Variants in USP44 observed in about 807,000 individuals in gnomAD.
USP44 encodes the protein ubiquitin specific peptidase 44.
Under a neutral mutation model 69.0 loss-of-function variants are expected in USP44, and 61 were observed. The observed-to-expected ratio is 0.88, with a 90% CI of 0.72 to 1.09. The LOEUF is 1.09. USP44 is among the 50% of genes least tolerant of loss of function. The pLI is 0.00. For synonymous variants in USP44, 297 were observed against 295.4 expected (o/e 1.01, Z -0.06); for missense variants, 753 against 849.9 (o/e 0.89, Z 1.42).
intron 4 of USP44, chr12:95,522,164 C>T (rs2140220580): frequency 1.0e-6 from 1 of 960,268 alleles, no homozygotes; most frequent in East Asian, 1.2e-4. Flanking sequence ...AGATTATAAT[C>T]CAGTTTGGGG....
rs189646269 is a variant in USP44 at position 95,532,312 on chromosome 12, C to T, written c.1428+517G>A. ...CCTCCCAAGTAGCTGAGATTACAGG[C>T]GTCTGCCACCACACTCAGCTAGCTT... On this transcript the variant is annotated intron_variant, in intron 2 of 5. Coordinates refer to ENST00000258499, the MANE Select transcript of USP44 (RefSeq NM_032147.5). 5.3e-5 allele frequency among the ~76,000 whole-genome samples: 8 copies of T among 152,084 alleles called. No individual in the cohort carries two copies. The East Asian group carries it at 1.4e-3, about 26-fold the overall frequency.
intron 1 of USP44, among the ~76,000 whole-genome samples, chr12:95,545,651 G>A (rs1165533219): frequency 6.6e-6 from 1 of 152,148 alleles, no homozygotes; most frequent in Non-Finnish European, 1.5e-5. Context: ...GTCCTCTTAA[G>A]AAATGTTTGT....
chr12:95,547,279 G>T (rs2077603375), intron 1 of USP44, among the ~76,000 whole-genome samples: 1 of 152,146 alleles, frequency 6.6e-6, no homozygotes, highest in South Asian at 2.1e-4. Flanking sequence ...ATTTGAATTT[G>T]GATAGCCCAC....
chr12:95,526,762 C>T (rs1054663056), intron 3 of USP44, among the ~76,000 whole-genome samples: 8 of 151,668 alleles, frequency 5.3e-5, no homozygotes, highest in East Asian at 3.9e-4. Context: ...AATCTATTTG[C>T]GAGATAGGGA....
At chr12:95,525,011 G>A (rs904031655) in intron 3 of USP44, among the ~76,000 whole-genome samples, 1 of 152,192 alleles carries the variant, frequency 6.6e-6, no homozygotes, top group African/African-American at 2.4e-5. Flanking sequence ...CTGTAATCAA[G>A]TACATGATTT....
chr12:95,544,117 C>A (rs1363770025), intron 1 of USP44, among the ~76,000 whole-genome samples: 1 of 134,102 alleles, frequency 7.5e-6, no homozygotes, highest in Admixed American at 7.6e-5. Context: ...TGCAGTGGCA[C>A]GATCTCGGCT....
intron 5 of USP44, among the ~76,000 whole-genome samples, chr12:95,519,023 T>C (rs1216702137): frequency 6.6e-6 from 1 of 152,130 alleles, no homozygotes; most frequent in Non-Finnish European, 1.5e-5. Context: ...GTATTAATAT[T>C]TTTTACTGTG....
chr12:95,548,278 G>A lies in USP44; in HGVS notation c.-71+2994C>T, dbSNP rs1483518954. 1 of 152,142 alleles carries A rather than the reference G, an allele frequency of 6.6e-6. No individual in the cohort carries two copies. Among genetic ancestry groups the A allele is most frequent in the South Asian group, 2.1e-4 (1 of 4,826 alleles). The allele number at this position is 152,142 out of a possible 1,614,324, so 9.4% of individuals were successfully genotyped here. On this transcript the variant is annotated intron_variant, in intron 1 of 5. Transcript: ENST00000258499. The surrounding 1 kb of genome is among the most constrained non-coding windows in gnomAD (Gnocchi z 4.1). ...AGCATCACCTCGCGGTAATCCGGGA[G>A]GGTGGAGGGATGCGGCTGGACCCGG...
chr12:95,544,273 T>C (rs2077501159), intron 1 of USP44, among the ~76,000 whole-genome samples: 1 of 151,808 alleles, frequency 6.6e-6, no homozygotes, highest in African/African-American at 2.4e-5. Flanking sequence ...GCCAGGATGG[T>C]CTCGATCTCC....
chr12:95,542,941 AGCCAGGTATGGTGGTGG>A (rs1335944242), intron 1 of USP44, among the ~76,000 whole-genome samples: 1 of 150,488 alleles, frequency 6.6e-6, no homozygotes, highest in Non-Finnish European at 1.5e-5. Context: ...ACAAAAAATT[AGCCAGGTATGGTGGTGG>A]GCGCCTGTAG....
chr12:95,540,858 CTCTT>C (rs2077363348), intron 1 of USP44, among the ~76,000 whole-genome samples: 2 of 152,288 alleles, frequency 1.3e-5, no homozygotes, highest in African/African-American at 2.4e-5. Flanking sequence ...GAGCCTTTAA[CTCTT>C]TTTTTGATGA....
At position 95,518,875 on chromosome 12, in the gene USP44, GTTGCAGTGAGCAAGGATGGCGCAGC is replaced by G. The variant is rs1396947449; in HGVS notation, c.1940-547_1940-523del. On this transcript the variant is annotated intron_variant, in intron 5 of 5. Transcript: ENST00000258499. The stretch of plus-strand genomic sequence containing the variant: ...AATGGCTTGAACCTGGGAGGCAGAG[GTTGCAGTGAGCAAGGATGGCGCAGC>G]TTGCCCTCAAGCCTGGGTGATAGAG... Among the ~76,000 whole-genome samples the G allele has an allele frequency of 3.9e-5, 6 of 152,170 alleles. No homozygotes were observed. The East Asian group carries it at 9.6e-4, about 24-fold the overall frequency.
intron 1 of USP44, among the ~76,000 whole-genome samples, chr12:95,543,406 C>CAAAAAAA (rs60127958): frequency 9.8e-4 from 42 of 42,918 alleles, no homozygotes; most frequent in Middle Eastern, 0.011. Context: ...GACTCTTTCT[C>CAAAAAAA]AAAAAAAAAA....
intron 1 of USP44, among the ~76,000 whole-genome samples, chr12:95,549,070 A>G (rs2077674330): frequency 6.6e-6 from 1 of 152,330 alleles, no homozygotes; most frequent in South Asian, 2.1e-4. Flanking sequence ...CCGTCGGGAC[A>G]CGGGAGGGTA....
chr12:95,549,976 C>G (rs932178506), intron 1 of USP44, among the ~76,000 whole-genome samples: 1 of 151,978 alleles, frequency 6.6e-6, no homozygotes, highest in African/African-American at 2.4e-5. Flanking sequence ...GTCAGGAGTT[C>G]GAGAGCAGCC....
At chr12:95,535,993 T>A (rs1478092543) in intron 1 of USP44, among the ~76,000 whole-genome samples, 1 of 151,616 alleles carries the variant, frequency 6.6e-6, no homozygotes, top group South Asian at 2.1e-4. Context: ...TACTGACCAG[T>A]CCCAAATCTC....
chr12:95,549,738 C>T (rs546920090), intron 1 of USP44, among the ~76,000 whole-genome samples: 2 of 152,158 alleles, frequency 1.3e-5, no homozygotes, highest in African/African-American at 2.4e-5. Flanking sequence ...TTTTCATCAT[C>T]AGTTTTATTC....
At chr12:95,523,424 A>G (rs749162952) in intron 4 of USP44, among the ~76,000 whole-genome samples, 6 of 152,098 alleles carry the variant, frequency 3.9e-5, no homozygotes, top group Non-Finnish European at 5.9e-5. Flanking sequence ...ATTAGAGGAC[A>G]CCCAGCTCGC....
chr12:95,521,332 G>A, intron 4 of USP44, 130 bp from the exon 5 acceptor site: 1 of 841,066 alleles, frequency 1.2e-6, no homozygotes, highest in Non-Finnish European at 1.9e-6. Context: ...ATAAAATGAT[G>A]TCAATGCTGA....
Sources: gnomAD v4.1 joint callset for allele counts (sites outside exome capture counted in the v4.1 genomes callset) on GRCh38, gnomAD v4.1.1 for gene constraint, Gnocchi (gnomAD v3.1) non-coding constraint, MANE v1.5 for transcripts, NCBI Gene and HGNC (gene_info 2026-07-23, HGNC 2026-07-21) for gene names.